ZCCHC7: variants seen among roughly 807,000 people sequenced by gnomAD.
ZCCHC7 encodes the protein zinc finger CCHC domain-containing protein 7.
Under a neutral mutation model 52.0 loss-of-function variants are expected in ZCCHC7, and 35 were observed. That is an observed-to-expected ratio of 0.67 (90% confidence interval 0.51 to 0.89). The LOEUF (loss-of-function observed/expected upper bound fraction) is 0.89, where lower values mean the gene tolerates loss of function less well. Among genes scored for constraint, ZCCHC7 ranks in the 40% least tolerant of loss-of-function variants. The pLI is 0.00. For synonymous variants in ZCCHC7, 217 were observed against 221.5 expected, an observed-to-expected ratio of 0.98 and a Z score of 0.18; for missense variants, 574 against 649.1, an observed-to-expected ratio of 0.88 and a Z score of 1.26.
At chr9:37,256,210 A>G (rs1826578579) in intron 2 of ZCCHC7, among the ~76,000 whole-genome samples, 1 of 152,002 alleles carries the variant, frequency 6.6e-6, no homozygotes, top group Admixed American at 6.5e-5. Flanking sequence ...TTTTCCCCAG[A>G]TTGTCAAAAA....
chr9:37,123,224 T>TGTGTGTGTGTGC (rs1180731163), intron 1 of ZCCHC7, among the ~76,000 whole-genome samples: 2 of 124,840 alleles, frequency 1.6e-5, no homozygotes, highest in African/African-American at 5.3e-5. Context: ...TGTGTGTGTG[T>TGTGTGTGTGTGC]GCGTGTGCGT....
chr9:37,307,995 T>A (rs1829410170), intron 5 of ZCCHC7, among the ~76,000 whole-genome samples: 1 of 152,282 alleles, frequency 6.6e-6, no homozygotes, highest in African/African-American at 2.4e-5. Flanking sequence ...CTACCAGCAG[T>A]GTTAAGAGAA....
chr9:37,175,196 A>G (rs1821952043), intron 2 of ZCCHC7, among the ~76,000 whole-genome samples: 1 of 152,038 alleles, frequency 6.6e-6, no homozygotes, highest in South Asian at 2.1e-4. Context: ...TTTTCTTACC[A>G]TCCTACTATG....
chr9:37,262,426 GTTAC>G (rs1372913826), intron 2 of ZCCHC7, among the ~76,000 whole-genome samples: 2 of 152,080 alleles, frequency 1.3e-5, no homozygotes, highest in Non-Finnish European at 2.9e-5. Context: ...TTTCTTACTA[GTTAC>G]TTGTTGCAAT....
intron 2 of ZCCHC7, among the ~76,000 whole-genome samples, chr9:37,184,392 CAAAA>C (rs34335465): frequency 3.5e-4 from 43 of 121,310 alleles, no homozygotes; most frequent in Non-Finnish European, 3.0e-4. Context: ...TGGCTTGCAT[CAAAA>C]AAAAAAAAAA....
Position 37,248,043 on chromosome 9 carries a change from C to CA in ZCCHC7, c.611-54136dup, listed in dbSNP as rs200727950. On this transcript the variant is annotated intron_variant, in intron 2 of 8. Coordinates refer to ENST00000336755, the MANE Select transcript of ZCCHC7 (RefSeq NM_032226.3). ...CTATTTATTCCTATTTATTAGAAAACAAAAAAAAAGTTGTTTTTCAACTCT... is the reference window on the plus strand; with the variant it reads ...CTATTTATTCCTATTTATTAGAAAACAAAAAAAAAAGTTGTTTTTCAACTCT... Among the ~76,000 whole-genome samples, 20 of 149,516 alleles carry CA rather than the reference C, an allele frequency of 1.3e-4. No individual in the cohort carries two copies. The East Asian group carries it at 1.6e-3, about 12-fold the overall frequency.
intron 2 of ZCCHC7, among the ~76,000 whole-genome samples, chr9:37,246,923 C>G (rs996533041): frequency 2.0e-5 from 3 of 152,098 alleles, no homozygotes; most frequent in African/African-American, 7.2e-5. Context: ...CCTCACATAC[C>G]TGTTTTTTGT....
At chr9:37,159,639 G>A (rs1271840010) in intron 2 of ZCCHC7, among the ~76,000 whole-genome samples, 6 of 152,098 alleles carry the variant, frequency 3.9e-5, no homozygotes, top group East Asian at 1.9e-4. Flanking sequence ...ACTCCCAAGC[G>A]CTGAAGATAC....
Position 37,126,460 on chromosome 9 carries a change from A to G in ZCCHC7, c.128A>G (p.Gln43Arg). The change falls in exon 2 of 9, where the codon CAA (glutamine) becomes CGA (arginine). Residue 43 changes from glutamine to arginine, a missense_variant. Coordinates refer to ENST00000336755, the MANE Select transcript of ZCCHC7 (RefSeq NM_032226.3). ...FQLYSQIHYA[Q>R]DLDDVIREEE... is the part of the protein sequence containing the mutation. ...CTCTATAGCCAAATTCATTATGCCCAAGATCTTGATGATGTCATCAGGGAG... is the reference window on the plus strand; with the variant it reads ...CTCTATAGCCAAATTCATTATGCCCGAGATCTTGATGATGTCATCAGGGAG... 1.2e-6 allele frequency: 2 copies of G among 1,613,792 alleles called. No individual in the cohort carries two copies. The highest frequency in any genetic ancestry group is 8.5e-7 in the Non-Finnish European group (1 of 1,180,034).
chr9:37,264,731 T>C (rs1398176008), intron 2 of ZCCHC7, among the ~76,000 whole-genome samples: 1 of 152,210 alleles, frequency 6.6e-6, no homozygotes, highest in Non-Finnish European at 1.5e-5. Context: ...TTACAAGCAG[T>C]AACCAGATCT....
At chr9:37,176,365 G>A (rs554178980) in intron 2 of ZCCHC7, among the ~76,000 whole-genome samples, 4 of 152,098 alleles carry the variant, frequency 2.6e-5, no homozygotes, top group Non-Finnish European at 2.9e-5. Context: ...GAGCCACCGC[G>A]CCCAGTCTAG....
At chr9:37,225,104 T>C (rs189122928) in intron 2 of ZCCHC7, among the ~76,000 whole-genome samples, 111 of 152,286 alleles carry the variant, frequency 7.3e-4, no homozygotes, top group Admixed American at 3.1e-3. Context: ...AAGTACAGAA[T>C]TGAAGACCAA....
intron 2 of ZCCHC7, among the ~76,000 whole-genome samples, chr9:37,165,054 T>C (rs1487094668): frequency 6.6e-6 from 1 of 152,270 alleles, no homozygotes; most frequent in Non-Finnish European, 1.5e-5. Flanking sequence ...AATATAACTT[T>C]AGTTTATAAA....
Position 37,234,116 on chromosome 9 carries a change from G to A in ZCCHC7, c.611-68072G>A, listed in dbSNP as rs575226424. 7.2e-5 allele frequency among the ~76,000 whole-genome samples: 11 copies of A among 152,184 alleles called. No homozygotes were observed. In the South Asian group the frequency reaches 1.9e-3, roughly 26 times the overall value. On this transcript the variant is annotated intron_variant, in intron 2 of 8. Coordinates refer to ENST00000336755, the MANE Select transcript of ZCCHC7 (RefSeq NM_032226.3). ...ACTCCTGACCTCAGGTGATCCACCCGCCTTGGCCTCCCAGAGTGCTAGAAT... is the reference window on the plus strand; with the variant it reads ...ACTCCTGACCTCAGGTGATCCACCCACCTTGGCCTCCCAGAGTGCTAGAAT...
At chr9:37,122,782 C>CGTGTTTCTTCTCTCTGCTAAG (rs1208495082) in intron 1 of ZCCHC7, among the ~76,000 whole-genome samples, 2 of 152,158 alleles carry the variant, frequency 1.3e-5, no homozygotes, top group Non-Finnish European at 2.9e-5. Context: ...GCTAAGAATA[C>CGTGTTTCTTCTCTCTGCTAAG]AAAAATTACC....
Position 37,235,602 on chromosome 9 carries a change from T to A in ZCCHC7, c.611-66586T>A, listed in dbSNP as rs932328145. Among the ~76,000 whole-genome samples, 6 of 136,122 alleles carry A rather than the reference T, an allele frequency of 4.4e-5. No individual in the cohort carries two copies. The South Asian group carries it at 1.6e-3, about 36-fold the overall frequency. 89.3% of individuals were successfully genotyped at this position (136,122 alleles called of 152,430 possible). A position where few individuals can be genotyped will look rare whatever the true frequency, so the allele number is the denominator to read the frequency against. On this transcript the variant is annotated intron_variant, in intron 2 of 8. Transcript: ENST00000336755. ...CCTTCCCTTCCCTGTCCTTTTTTTC[T>A]TTTCTTTCAAGACAAGTCTCACTCT... is the stretch of plus-strand genomic sequence containing the variant.
At chr9:37,220,709 G>A (rs1022972618) in intron 2 of ZCCHC7, among the ~76,000 whole-genome samples, 4 of 152,094 alleles carry the variant, frequency 2.6e-5, no homozygotes, top group South Asian at 2.1e-4. Flanking sequence ...AGGAAGACTC[G>A]TGAAGGTATA....
intron 2 of ZCCHC7, among the ~76,000 whole-genome samples, chr9:37,220,267 G>A (rs527794194): frequency 5.3e-5 from 8 of 152,108 alleles, no homozygotes; most frequent in Admixed American, 1.3e-4. Flanking sequence ...TCGGCCAGGC[G>A]TGGTGGCTCA....
intron 6 of ZCCHC7, among the ~76,000 whole-genome samples, chr9:37,332,141 T>C (rs1008771087): frequency 1.7e-4 from 26 of 151,634 alleles, no homozygotes; most frequent in African/African-American, 5.8e-4. Flanking sequence ...GGTGTTGCTA[T>C]TGAGACATTA....
Sources: allele counts gnomAD v4.1 joint callset (sites outside exome capture counted in the v4.1 genomes callset), GRCh38; gene constraint gnomAD v4.1.1; transcripts MANE v1.5; gene names NCBI Gene and HGNC (gene_info 2026-07-23, HGNC 2026-07-21).